MARCHF4: variants seen among roughly 807,000 people sequenced by gnomAD.
The protein encoded by MARCHF4 is E3 ubiquitin-protein ligase MARCHF4.
MARCHF4 carries 14 observed loss-of-function variants against 43.9 expected under a neutral mutation model. The observed-to-expected ratio is 0.32, with a 90% confidence interval of 0.21 to 0.50. MARCHF4 has a LOEUF of 0.50. Among genes scored for constraint, MARCHF4 ranks in the 20% least tolerant of loss-of-function variants. The pLI, the probability that MARCHF4 is intolerant of heterozygous loss-of-function variation, is 0.98. For missense variants in MARCHF4, 468 were observed against 536.7 expected (o/e 0.87, Z 1.27); for synonymous variants, 226 against 213.3 (o/e 1.06, Z -0.52).
chr2:216,355,918 A>T (rs1350039617), intron 1 of MARCHF4, among the ~76,000 whole-genome samples: 1 of 152,076 alleles, frequency 6.6e-6, no homozygotes. Context: ...AAGCACACAT[A>T]CAACAGAAGG....
chr2:216,300,350 G>GTATATATATA lies in MARCHF4; in HGVS notation c.517-16631_517-16622dup, dbSNP rs201683040. 2.5e-3 allele frequency among the ~76,000 whole-genome samples: 294 copies of GTATATATATA among 115,800 alleles called. 6 individuals are homozygous for GTATATATATA. The highest frequency in any genetic ancestry group is 9.9e-3 in the African/African-American group (282 of 28,370). The allele number at this position is 115,800 out of a possible 152,430, so 76.0% of individuals were successfully genotyped here. A position where few individuals can be genotyped will look rare whatever the true frequency, so the allele number is the denominator to read the frequency against. The stretch of plus-strand genomic sequence containing the variant: ...TATGTCCATCTCGATATATATATAT[G>GTATATATATA]TATATATATATATATATATGACTTA... On this transcript the variant is annotated intron_variant, in intron 1 of 3. Transcript: ENST00000273067.
intron 1 of MARCHF4, among the ~76,000 whole-genome samples, chr2:216,289,896 C>G (rs908210970): frequency 6.6e-6 from 1 of 152,176 alleles, no homozygotes; most frequent in African/African-American, 2.4e-5. Flanking sequence ...AGCTTGGGCT[C>G]TAATCTCAGG....
intron 1 of MARCHF4, among the ~76,000 whole-genome samples, chr2:216,327,167 A>G (rs1027581037): frequency 2.0e-5 from 3 of 151,910 alleles, no homozygotes; most frequent in Admixed American, 1.3e-4. Flanking sequence ...TTAAATTGAG[A>G]TATAATTTAC....
In MARCHF4 at chr2:216,370,066, G is replaced by A; in HGVS notation, c.195C>T (p.His65=). ...CCAAACCGGGGGGCTGGGGGTCGCCGTGCATGGGCAGGGGCGCTTGAGGAG... is the reference window on the plus strand; with the variant it reads ...CCAAACCGGGGGGCTGGGGGTCGCCATGCATGGGCAGGGGCGCTTGAGGAG... The part of the protein sequence containing the change: ...RRPPQAPLPM[H]GDPQPPGLAA... The change falls in exon 1 of 4, where the codon CAC becomes CAT. Residue 65 remains histidine, a synonymous_variant. Transcript: ENST00000273067. The A allele has an allele frequency of 6.4e-7, 1 of 1,568,456 alleles. No individual in the cohort carries two copies. The highest frequency in any genetic ancestry group is 8.6e-7 in the Non-Finnish European group (1 of 1,156,448).
chr2:216,326,855 A>C (rs999952006), intron 1 of MARCHF4, among the ~76,000 whole-genome samples: 1 of 151,960 alleles, frequency 6.6e-6, no homozygotes, highest in African/African-American at 2.4e-5. Flanking sequence ...AGATATACCT[A>C]ATGCTAGATG....
intron 2 of MARCHF4, 89 bp from the exon 3 acceptor site, chr2:216,277,953 C>T: frequency 1.6e-6 from 2 of 1,270,800 alleles, no homozygotes; most frequent in Non-Finnish European, 1.1e-6. Context: ...CAACAGCTCA[C>T]CTCTGATTTA....
At chr2:216,354,927 C>CT (rs1365933278) in intron 1 of MARCHF4, among the ~76,000 whole-genome samples, 1 of 127,464 alleles carries the variant, frequency 7.8e-6, no homozygotes, top group African/African-American at 3.2e-5. Context: ...TTCTTTCTTT[C>CT]TTTCTTTCTT....
intron 1 of MARCHF4, among the ~76,000 whole-genome samples, chr2:216,313,891 T>A (rs1189635786): frequency 1.3e-5 from 2 of 152,134 alleles, no homozygotes. Context: ...AAATAAGCAT[T>A]ATGGGAAGCA....
In MARCHF4 at chr2:216,348,069, C is replaced by T. The variant is rs796100931; in HGVS notation, c.516+21676G>A. On this transcript the variant is annotated intron_variant, in intron 1 of 3. Coordinates refer to ENST00000273067, the MANE Select transcript of MARCHF4 (RefSeq NM_020814.3). ...TTTTTTTTTTTTAGACAGAGTTTCG[C>T]TTTTGTTGCCCAGGCTGGAGTGCAA... 3.0e-4 allele frequency among the ~76,000 whole-genome samples: 37 copies of T among 123,916 alleles called. No individual in the cohort carries two copies. The East Asian group carries it at 5.7e-3, about 19-fold the overall frequency. The allele number at this position is 123,916 out of a possible 152,430, so 81.3% of individuals were successfully genotyped here. A position where few individuals can be genotyped will look rare whatever the true frequency, so the allele number is the denominator to read the frequency against.
rs370383063 is a variant in MARCHF4 at position 216,349,711 on chromosome 2, A to G, written c.516+20034T>C. 7.2e-5 allele frequency among the ~76,000 whole-genome samples: 11 copies of G among 152,310 alleles called. No homozygotes were observed. The East Asian group carries it at 7.7e-4, about 11-fold the overall frequency. ...AAAGGCAGAGAGCTATGGAGTCTAT[A>G]TGGAGATGCAGGCAGTGGGGATTAG... On this transcript the variant is annotated intron_variant, in intron 1 of 3. Coordinates refer to ENST00000273067, the MANE Select transcript of MARCHF4 (RefSeq NM_020814.3).
intron 3 of MARCHF4, among the ~76,000 whole-genome samples, chr2:216,263,246 G>A (rs1343296804): frequency 1.3e-5 from 2 of 152,188 alleles, no homozygotes. Context: ...GGCCAACATG[G>A]TGAAACCCCA....
At chr2:216,273,193 C>T (rs573510836) in intron 3 of MARCHF4, among the ~76,000 whole-genome samples, 9 of 152,346 alleles carry the variant, frequency 5.9e-5, no homozygotes, top group African/African-American at 2.2e-4. Context: ...CAGCACACCG[C>T]TCCAAAAGGA....
At chr2:216,322,419 C>T (rs1691911408) in intron 1 of MARCHF4, among the ~76,000 whole-genome samples, 1 of 152,224 alleles carries the variant, frequency 6.6e-6, no homozygotes, top group Non-Finnish European at 1.5e-5. Context: ...CCATCAGTGA[C>T]CTTCAGGGGA....
chr2:216,315,828 T>C (rs1452154356), intron 1 of MARCHF4, among the ~76,000 whole-genome samples: 1 of 152,122 alleles, frequency 6.6e-6, no homozygotes, highest in African/African-American at 2.4e-5. Context: ...TAAGAAAAAA[T>C]TAAGCTGTTT....
intron 1 of MARCHF4, among the ~76,000 whole-genome samples, chr2:216,295,353 CT>C (rs1486886282): frequency 6.6e-6 from 1 of 152,202 alleles, no homozygotes; most frequent in African/African-American, 2.4e-5. Flanking sequence ...CCTCAACTTT[CT>C]GGGCTTAAGC....
intron 3 of MARCHF4, among the ~76,000 whole-genome samples, chr2:216,275,267 G>A (rs207823): frequency 0.76 from 115,038 of 152,050 alleles, 45,573 homozygotes; most frequent in Non-Finnish European, 0.89. Flanking sequence ...AGGAGGAGAG[G>A]TGGCACAGAG....
At chr2:216,325,367 T>C (rs1487422911) in intron 1 of MARCHF4, among the ~76,000 whole-genome samples, 2 of 152,172 alleles carry the variant, frequency 1.3e-5, no homozygotes, top group Non-Finnish European at 2.9e-5. Flanking sequence ...GAAGAATCAA[T>C]ATTGTGAAAA....
At chr2:216,339,133 G>A (rs1484578509) in intron 1 of MARCHF4, among the ~76,000 whole-genome samples, 2 of 152,322 alleles carry the variant, frequency 1.3e-5, no homozygotes. Flanking sequence ...TTGACCTCAG[G>A]ATTGCAGTTC....
intron 2 of MARCHF4, 108 bp downstream of exon 2, chr2:216,283,466 C>T (rs1312472023): frequency 2.9e-6 from 4 of 1,371,096 alleles, no homozygotes; most frequent in Admixed American, 4.4e-5. Flanking sequence ...CCATCTTCTT[C>T]CTTTTCCTCA....
Sources: gnomAD v4.1 joint callset for allele counts (sites outside exome capture counted in the v4.1 genomes callset) on GRCh38, gnomAD v4.1.1 for gene constraint, MANE v1.5 for transcripts, NCBI Gene and HGNC (gene_info 2026-07-23, HGNC 2026-07-21) for gene names.